Variants in RARB observed in about 807,000 individuals in gnomAD.
RARB encodes the protein retinoic acid receptor beta, also known as HBV-activated protein.
Under a neutral mutation model 51.9 loss-of-function variants are expected in RARB, and 17 were observed. The ratio of observed to expected loss-of-function variants is 0.33; its 90% CI spans 0.22 to 0.49. The LOEUF (loss-of-function observed/expected upper bound fraction) is 0.49. Among genes scored for constraint, RARB ranks in the 20% least tolerant of loss-of-function variants. The probability of loss-of-function intolerance (pLI) is 0.99; values close to 1 mark genes in which losing one functional copy is unlikely to be tolerated. For synonymous variants in RARB, 215 were observed against 195.4 expected, an observed-to-expected ratio of 1.10 and a Z score of -0.84; for missense variants, 369 against 550.8, an observed-to-expected ratio of 0.67 and a Z score of 3.30.
intron 5 of RARB, among the ~76,000 whole-genome samples, chr3:25,301,128 C>A (rs1704027637): frequency 6.6e-6 from 1 of 151,984 alleles, no homozygotes; most frequent in Non-Finnish European, 1.5e-5. Context: ...TTTTTTTTTA[C>A]TTTATGATGG....
At chr3:25,032,220 C>T (rs535783011) in intron 2 of RARB, among the ~76,000 whole-genome samples, 5 of 152,272 alleles carry the variant, frequency 3.3e-5, no homozygotes, top group Admixed American at 6.5e-5. Context: ...AAAAGACATC[C>T]GCAATCAGTG....
At chr3:25,292,368 C>A (rs1703810325) in intron 5 of RARB, among the ~76,000 whole-genome samples, 1 of 152,106 alleles carries the variant, frequency 6.6e-6, no homozygotes, top group Non-Finnish European at 1.5e-5. Flanking sequence ...AAGTGGGGCA[C>A]ACACAGCATT....
At chr3:25,561,543 C>T (rs1279717199) in intron 3 of RARB, among the ~76,000 whole-genome samples, 1 of 150,806 alleles carries the variant, frequency 6.6e-6, no homozygotes, top group Non-Finnish European at 1.5e-5. Context: ...TGTGCTCTTT[C>T]CGAGGTTCAA....
chr3:25,173,083 G>T (rs1353122486), intron 4 of RARB, among the ~76,000 whole-genome samples: 1 of 152,138 alleles, frequency 6.6e-6, no homozygotes, highest in Non-Finnish European at 1.5e-5. Context: ...CATTCAGTGG[G>T]CAGAGTTTGG....
chr3:25,146,507 G>C (rs113504650), intron 4 of RARB, among the ~76,000 whole-genome samples: 2 of 133,368 alleles, frequency 1.5e-5, no homozygotes, highest in African/African-American at 2.8e-5. Flanking sequence ...TTGTTTGTTT[G>C]TTTGTTTTTT....
chr3:25,312,989 T>C (rs1246684265), intron 5 of RARB, among the ~76,000 whole-genome samples: 1 of 152,220 alleles, frequency 6.6e-6, no homozygotes, highest in Non-Finnish European at 1.5e-5. Flanking sequence ...ATTTGTGTCT[T>C]CAAGTCTGGA....
chr3:24,953,411 A>C (rs1695940944), intron 2 of RARB, among the ~76,000 whole-genome samples: 1 of 152,236 alleles, frequency 6.6e-6, no homozygotes, highest in South Asian at 2.1e-4. Context: ...GAATTGCTTT[A>C]AAGAACCAGG....
At chr3:25,512,715 C>T (rs578035807) in intron 3 of RARB, among the ~76,000 whole-genome samples, 2 of 152,218 alleles carry the variant, frequency 1.3e-5, no homozygotes, top group East Asian at 1.9e-4. Context: ...TTTCTAACAG[C>T]AAGGAGTGTG....
intron 2 of RARB, among the ~76,000 whole-genome samples, chr3:25,469,720 A>T (rs755869604): frequency 2.1e-4 from 32 of 152,196 alleles, no homozygotes; most frequent in Non-Finnish European, 3.7e-4. Context: ...AGTTTTGTGT[A>T]TATTTTTTCC....
intron 5 of RARB, among the ~76,000 whole-genome samples, chr3:25,239,739 C>T (rs889350848): frequency 2.6e-5 from 4 of 152,074 alleles, no homozygotes; most frequent in Admixed American, 2.6e-4. Context: ...TAGTGTGATG[C>T]CTCCCGCTTT....
At chr3:25,352,038 A>C (rs1304672246) in intron 5 of RARB, among the ~76,000 whole-genome samples, 2 of 152,184 alleles carry the variant, frequency 1.3e-5, no homozygotes, top group Non-Finnish European at 2.9e-5. Context: ...CTGAATGCAA[A>C]CACTGCTCCA....
intron 2 of RARB, among the ~76,000 whole-genome samples, chr3:25,010,244 G>A (rs192515876): frequency 1.0e-3 from 154 of 152,088 alleles, no homozygotes; most frequent in African/African-American, 3.6e-3. Context: ...CCTACAGTGA[G>A]TCCATACCTT....
At chr3:25,092,971 T>C (rs1371321739) in intron 3 of RARB, among the ~76,000 whole-genome samples, 1 of 152,192 alleles carries the variant, frequency 6.6e-6, no homozygotes, top group Non-Finnish European at 1.5e-5. Context: ...GGAATTTAAA[T>C]TATGATATTC....
chr3:25,155,305 G>A lies in RARB; in HGVS notation c.-279-18814G>A, dbSNP rs188749244. ...TCTCTTCCCCCTGACCCCAGCACAC[G>A]TAAACTTTATTTGCATTGCATTGCT... On this transcript the variant is annotated intron_variant, in intron 4 of 11. Transcript: ENST00000383772. Among the ~76,000 whole-genome samples, 8 of 152,138 alleles carry A rather than the reference G, an allele frequency of 5.3e-5. No homozygotes were observed. In the East Asian group the frequency reaches 5.8e-4, roughly 11 times the overall value.
rs1390946263 is a variant in RARB, at chr3:24,978,293, C to G, written c.-379-81832C>G. Among the ~76,000 whole-genome samples, 13 of 152,252 alleles carry G rather than the reference C, an allele frequency of 8.5e-5. No homozygotes were observed. The East Asian group carries it at 1.4e-3, about 16-fold the overall frequency. On this transcript the variant is annotated intron_variant, in intron 2 of 11. Coordinates refer to the RARB transcript ENST00000383772. ...TAAAATGAGTTAGGGAGAATTCCCT[C>G]TTTTTCTGTTGTTTGGAATAGTTTC...
intron 5 of RARB, among the ~76,000 whole-genome samples, chr3:25,293,035 T>G (rs1053148739): frequency 1.3e-5 from 2 of 152,138 alleles, no homozygotes; most frequent in African/African-American, 4.8e-5. Flanking sequence ...ATTTTTAATT[T>G]TTTTCCTGTG....
At chr3:24,945,178 T>C (rs987578538) in intron 2 of RARB, among the ~76,000 whole-genome samples, 1 of 152,256 alleles carries the variant, frequency 6.6e-6, no homozygotes, top group Non-Finnish European at 1.5e-5. Flanking sequence ...TTCTTTTGGT[T>C]TTATGGCCAT....
chr3:24,883,512 T>A (rs1422586545), intron 2 of RARB, among the ~76,000 whole-genome samples: 2 of 152,150 alleles, frequency 1.3e-5, no homozygotes, highest in Admixed American at 6.5e-5. Context: ...GGAACACTAC[T>A]GTTTTGACAT....
intron 2 of RARB, among the ~76,000 whole-genome samples, chr3:25,490,035 T>C (rs1696651853): frequency 6.6e-6 from 1 of 152,212 alleles, no homozygotes; most frequent in African/African-American, 2.4e-5. Flanking sequence ...CAGAGCAGTG[T>C]CTGTGGTGAA....
Sources: allele counts gnomAD v4.1 joint callset (sites outside exome capture counted in the v4.1 genomes callset), GRCh38; gene constraint gnomAD v4.1.1; transcripts MANE v1.5; gene names NCBI Gene and HGNC (gene_info 2026-07-23, HGNC 2026-07-21).